MIB1: variants seen among roughly 807,000 people sequenced by gnomAD.
MIB1 encodes MIB E3 ubiquitin protein ligase 1.
In MIB1, 278 loss-of-function variants were observed where a neutral mutation model predicts 124.5. The observed-to-expected ratio is 2.23, with a 90% CI of 2.02 to 2.47. The LOEUF (loss-of-function observed/expected upper bound fraction) is 2.47. Ranked by LOEUF, MIB1 falls within the 30% of genes most tolerant of loss-of-function variation. MIB1 has a pLI of 0.00. For synonymous variants in MIB1, 446 were observed against 429.4 expected, an observed-to-expected ratio of 1.04 and a Z score of -0.48; for missense variants, 957 against 1,254.4, an observed-to-expected ratio of 0.76 and a Z score of 3.58.
At chr18:21,755,139 C>A (rs2041016899) in intron 1 of MIB1, among the ~76,000 whole-genome samples, 1 of 150,126 alleles carries the variant, frequency 6.7e-6, no homozygotes, top group African/African-American at 2.4e-5. Flanking sequence ...CTTGTCTTAT[C>A]ATGTCTGGGA....
rs1414356909 is a variant in MIB1 at position 21,832,783 on chromosome 18, C to G, written c.1830-5582C>G. ...TATTGGGCAATTTTAAACAGCTTTC[C>G]TAGATATTGAAATAATTTTACTCAT... On this transcript the variant is annotated intron_variant, in intron 12 of 20. Coordinates refer to ENST00000261537, the MANE Select transcript of MIB1 (RefSeq NM_020774.4). Among the ~76,000 whole-genome samples the G allele has an allele frequency of 5.3e-5, 8 of 152,092 alleles. No homozygotes were observed. The East Asian group carries it at 1.5e-3, about 29-fold the overall frequency.
intron 6 of MIB1, among the ~76,000 whole-genome samples, chr18:21,781,088 T>A (rs113840864): frequency 3.3e-4 from 50 of 152,002 alleles, no homozygotes; most frequent in African/African-American, 1.2e-3. Context: ...AATTAAAAAC[T>A]TTTTTTATAG....
intron 12 of MIB1, among the ~76,000 whole-genome samples, chr18:21,836,813 G>C (rs2042037600): frequency 6.6e-6 from 1 of 152,170 alleles, no homozygotes; most frequent in Non-Finnish European, 1.5e-5. Context: ...TGTAGGGTAA[G>C]AGATAATGTA....
chr18:21,772,245 A>G (rs1215496324), intron 3 of MIB1, among the ~76,000 whole-genome samples: 1 of 152,218 alleles, frequency 6.6e-6, no homozygotes, highest in Non-Finnish European at 1.5e-5. Flanking sequence ...CTTGAAAGTT[A>G]TACTTCAGCC....
Position 21,838,382 on chromosome 18 carries a change from T to C in MIB1, c.1847T>C (p.Leu616Pro). ...ACTTTCAGTGCAATGCGTGTTTTAC[T>C]ATCTAAATTACCAAGACCATGGATT... Reference protein sequence around the residue: ...RGNPSAMRVLLSKLPRPWIVD... With the variant: ...RGNPSAMRVLPSKLPRPWIVD... Residue 616 changes from leucine (L) to proline (P), a missense_variant, in exon 13 of 21, where the codon CTA becomes CCA. By Grantham distance (98) the Leu-to-Pro change is moderately conservative. Transcript: ENST00000261537. 2 of 1,598,202 alleles carry C rather than the reference T, an allele frequency of 1.3e-6. No homozygotes were observed. The highest frequency in any genetic ancestry group is 8.5e-7 in the Non-Finnish European group (1 of 1,171,420).
chr18:21,729,673 T>C (rs2040759126), intron 1 of MIB1, among the ~76,000 whole-genome samples: 1 of 152,022 alleles, frequency 6.6e-6, no homozygotes, highest in South Asian at 2.1e-4. Flanking sequence ...TAATTTTAGT[T>C]GAGACAGGAT....
At chr18:21,738,590 G>A (rs2040805982), upstream of MIB1, among the ~76,000 whole-genome samples, 1 of 151,760 alleles carries the variant, frequency 6.6e-6, no homozygotes, top group Admixed American at 6.6e-5. Context: ...GGCGGATCAC[G>A]AGGTCAGAAG....
chr18:21,796,369 A>G (rs932701543), intron 7 of MIB1, among the ~76,000 whole-genome samples: 4 of 151,868 alleles, frequency 2.6e-5, no homozygotes, highest in African/African-American at 9.7e-5. Flanking sequence ...CAGGGAGGGG[A>G]ACATCACATA....
intron 1 of MIB1, among the ~76,000 whole-genome samples, chr18:21,745,515 T>C (rs934629438): frequency 9.2e-5 from 14 of 152,242 alleles, no homozygotes; most frequent in Non-Finnish European, 2.1e-4. Context: ...GGTAAAAGTA[T>C]GCCACGTAAA....
chr18:21,827,106 A>C (rs2041932104), intron 12 of MIB1: 1 of 152,110 alleles, frequency 6.6e-6, no homozygotes. Flanking sequence ...TGGGAAAAAA[A>C]TAGTACAGCA....
intron 14 of MIB1, among the ~76,000 whole-genome samples, 155 bp from the exon 15 acceptor site, chr18:21,843,937 G>T (rs1373645012): frequency 6.6e-6 from 1 of 152,112 alleles, no homozygotes; most frequent in East Asian, 1.9e-4. Context: ...GGAGCCACAG[G>T]GTTGGAGAAG....
chr18:21,771,514 C>T (rs924705373), intron 3 of MIB1, among the ~76,000 whole-genome samples: 17 of 152,176 alleles, frequency 1.1e-4, no homozygotes, highest in Middle Eastern at 3.4e-3. Context: ...GTGCTAGAAA[C>T]TGTTACTTTA....
intron 1 of MIB1, among the ~76,000 whole-genome samples, chr18:21,721,177 T>TG (rs2040713890): frequency 9.1e-6 from 1 of 110,414 alleles, no homozygotes; most frequent in Non-Finnish European, 1.8e-5. Flanking sequence ...TTTTTTTTTT[T>TG]TTTTTTTTTT....
intron 1 of MIB1, among the ~76,000 whole-genome samples, chr18:21,732,351 T>TACACACACACACACACACACACAC (rs59731612): frequency 1.4e-5 from 2 of 140,970 alleles, no homozygotes; most frequent in Non-Finnish European, 3.1e-5. Context: ...ATTATATGTA[T>TACACACACACACACACACACACAC]ACACACACAC....
intron 20 of MIB1, among the ~76,000 whole-genome samples, chr18:21,860,364 G>T (rs533890762): frequency 6.6e-6 from 1 of 152,096 alleles, no homozygotes; most frequent in Non-Finnish European, 1.5e-5. Flanking sequence ...GCCTCCCAGA[G>T]TGCTGAGATT....
At chr18:21,821,368 A>G (rs2041876206) in intron 12 of MIB1, among the ~76,000 whole-genome samples, 1 of 152,082 alleles carries the variant, frequency 6.6e-6, no homozygotes, top group South Asian at 2.1e-4. Flanking sequence ...GTTTAACTTT[A>G]TCTCCTGCTA....
chr18:21,723,282 G>A (rs1416460685), intron 1 of MIB1, among the ~76,000 whole-genome samples: 2 of 151,580 alleles, frequency 1.3e-5, no homozygotes, highest in Non-Finnish European at 2.9e-5. Flanking sequence ...CTGATACTTT[G>A]TGGAGGCTGA....
rs192292070 is a variant in MIB1, at chr18:21,855,594, C to T, written c.2666-1536C>T. 2.0e-3 allele frequency among the ~76,000 whole-genome samples: 301 copies of T among 152,280 alleles called. 2 individuals carry two copies. Among genetic ancestry groups the T allele is most frequent in the Middle Eastern group, 6.8e-3 (2 of 294 alleles). On this transcript the variant is annotated intron_variant, in intron 18 of 20. Coordinates refer to ENST00000261537, the MANE Select transcript of MIB1 (RefSeq NM_020774.4). ...CTCCTACCTAGTGCACTTGTATAACCGAGCGTCAGACCCATTTATGTTTAG... is the reference window on the plus strand; with the variant it reads ...CTCCTACCTAGTGCACTTGTATAACTGAGCGTCAGACCCATTTATGTTTAG...
At chr18:21,806,121 T>G (rs2041703396) in intron 10 of MIB1, among the ~76,000 whole-genome samples, 1 of 151,982 alleles carries the variant, frequency 6.6e-6, no homozygotes, top group African/African-American at 2.4e-5. Flanking sequence ...CAGGCTGATC[T>G]CTAACTCCTG....
Sources: allele counts gnomAD v4.1 joint callset (sites outside exome capture counted in the v4.1 genomes callset), GRCh38; gene constraint gnomAD v4.1.1; transcripts MANE v1.5; gene names NCBI Gene and HGNC (gene_info 2026-07-23, HGNC 2026-07-21).